Variants in PHKB observed in about 807,000 individuals in gnomAD.
PHKB encodes the protein phosphorylase b kinase regulatory subunit beta.
PHKB carries 122 observed loss-of-function variants against 152.1 expected under a neutral mutation model. The observed-to-expected ratio is 0.80, with a 90% CI of 0.69 to 0.93. The LOEUF is 0.93. Ranked by LOEUF, PHKB falls within the 40% of genes least tolerant of loss-of-function variation. The pLI is 0.00. For synonymous variants in PHKB, 436 were observed against 464.9 expected, an observed-to-expected ratio of 0.94 and a Z score of 0.80; for missense variants, 1,304 against 1,328.4, an observed-to-expected ratio of 0.98 and a Z score of 0.29.
At chr16:47,514,493 T>G (rs1168516128) in intron 5 of PHKB, among the ~76,000 whole-genome samples, 1 of 151,526 alleles carries the variant, frequency 6.6e-6, no homozygotes, top group East Asian at 1.9e-4. Flanking sequence ...AGAAGAAGAG[T>G]GTATGAGAGC....
chr16:47,469,299 G>A (rs543177950), intron 1 of PHKB, among the ~76,000 whole-genome samples: 1 of 152,244 alleles, frequency 6.6e-6, no homozygotes, highest in South Asian at 2.1e-4. Context: ...TCAAATACTA[G>A]TATTGAATCT....
At chr16:47,565,631 G>T in intron 7 of PHKB, 2 of 1,109,852 alleles carry the variant, frequency 1.8e-6, no homozygotes, top group Non-Finnish European at 1.4e-6. Flanking sequence ...CAGAGGTCCC[G>T]GTCTGTGATG....
intron 14 of PHKB, among the ~76,000 whole-genome samples, chr16:47,638,485 T>C (rs1972960194): frequency 1.3e-5 from 2 of 152,352 alleles, no homozygotes; most frequent in South Asian, 4.1e-4. Context: ...ATTATTATAT[T>C]CTCTGCAGAA....
intron 1 of PHKB, among the ~76,000 whole-genome samples, chr16:47,488,786 C>A (rs755333149): frequency 5.3e-5 from 8 of 152,016 alleles, no homozygotes; most frequent in Non-Finnish European, 1.0e-4. Context: ...GTTTCTGTAG[C>A]CTGTTCCATT....
At chr16:47,495,890 AT>A (rs1970223798) in intron 1 of PHKB, among the ~76,000 whole-genome samples, 1 of 152,160 alleles carries the variant, frequency 6.6e-6, no homozygotes, top group Admixed American at 6.5e-5. Context: ...TTGTAAGAAA[AT>A]CTTCTTTTCG....
rs2151701680 is a variant in PHKB, at chr16:47,596,499, G to A, written c.1331G>A (p.Gly444Glu). The change falls in exon 13 of 31, where the codon GGA (glycine) becomes GAA (glutamate). Residue 444 changes from glycine (G) to glutamate (E), a missense_variant. By Grantham distance (98) the Gly-to-Glu change is moderately conservative (BLOSUM62 -2). Coordinates refer to ENST00000323584, the MANE Select transcript of PHKB (RefSeq NM_000293.3). ...CGRDGKLFLW[G>E]QALYIIAKLL... Reference sequence around the variant, plus strand: ...CGTGATGGAAAACTGTTTCTTTGGGGACAAGCACTTTATATCATCGCAAAA... The same window carrying A: ...CGTGATGGAAAACTGTTTCTTTGGGAACAAGCACTTTATATCATCGCAAAA... 3 of 1,613,960 alleles carry A rather than the reference G, an allele frequency of 1.9e-6. No individual in the cohort carries two copies. The highest frequency in any genetic ancestry group is 1.1e-5 in the South Asian group (1 of 91,078).
intron 18 of PHKB, among the ~76,000 whole-genome samples, chr16:47,649,472 C>G (rs887169744): frequency 1.3e-5 from 2 of 151,964 alleles, no homozygotes; most frequent in Non-Finnish European, 2.9e-5. Context: ...ACAGGGGGAC[C>G]TATTTTGAAA....
Position 47,580,183 on chromosome 16 carries a change from A to C in PHKB, c.711-112A>C, listed in dbSNP as rs147990058. On this transcript the variant is annotated intron_variant, in intron 7 of 30. Coordinates refer to ENST00000323584, the MANE Select transcript of PHKB (RefSeq NM_000293.3). Reference sequence around the variant, plus strand: ...TCTTAGACATTATTCTTCTTACAGAAGTTGTTATAAATGTTAATAAAGAAA... The same window carrying C: ...TCTTAGACATTATTCTTCTTACAGACGTTGTTATAAATGTTAATAAAGAAA... 211 of 790,926 alleles carry C rather than the reference A, an allele frequency of 2.7e-4. 1 individual carries two copies. The African/African-American group carries it at 3.4e-3, about 13-fold the overall frequency. 49.0% of individuals were successfully genotyped at this position (790,926 alleles called of 1,614,324 possible).
At chr16:47,663,936 A>G in intron 24 of PHKB, 1 of 617,058 alleles carries the variant, frequency 1.6e-6, no homozygotes. Context: ...GAACAAAGAC[A>G]CTGTAGGGAT....
intron 26 of PHKB, among the ~76,000 whole-genome samples, chr16:47,682,847 TAG>T (rs1367851678): frequency 2.0e-5 from 3 of 152,226 alleles, no homozygotes; most frequent in African/African-American, 7.2e-5. Context: ...CTCTGCTTTT[TAG>T]AGTTTCCAGT....
At chr16:47,550,731 T>A (rs1971256880) in intron 7 of PHKB, among the ~76,000 whole-genome samples, 1 of 152,222 alleles carries the variant, frequency 6.6e-6, no homozygotes, top group African/African-American at 2.4e-5. Flanking sequence ...CCTGGCCTCA[T>A]AAAGTGAGTT....
chr16:47,461,595 T>G (rs1402454723), intron 1 of PHKB, among the ~76,000 whole-genome samples, 169 bp downstream of exon 1: 1 of 152,172 alleles, frequency 6.6e-6, no homozygotes, highest in East Asian at 1.9e-4. Flanking sequence ...TTCCTCCACC[T>G]CTAAAAATTA....
intron 1 of PHKB, among the ~76,000 whole-genome samples, chr16:47,481,675 A>C (rs1029114786): frequency 2.6e-5 from 4 of 152,202 alleles, no homozygotes; most frequent in African/African-American, 4.8e-5. Context: ...AAGAGAAGAC[A>C]ATTCGTATTT....
chr16:47,624,749 C>T (rs1196551942), intron 14 of PHKB, among the ~76,000 whole-genome samples: 1 of 152,200 alleles, frequency 6.6e-6, no homozygotes, highest in African/African-American at 2.4e-5. Context: ...TCCCTTCTTT[C>T]CTTCCCTTTC....
intron 8 of PHKB, among the ~76,000 whole-genome samples, chr16:47,583,926 A>G (rs1224392183): frequency 1.3e-5 from 2 of 152,210 alleles, no homozygotes; most frequent in African/African-American, 4.8e-5. Context: ...TGGCTTCAGC[A>G]TATGAGATAA....
At chr16:47,468,067 A>T (rs1390037921) in intron 1 of PHKB, among the ~76,000 whole-genome samples, 1 of 152,198 alleles carries the variant, frequency 6.6e-6, no homozygotes, top group Non-Finnish European at 1.5e-5. Context: ...CTCAAGCTAA[A>T]AAGGTTATTC....
In PHKB at chr16:47,641,678, C is replaced by T; in HGVS notation, c.1594C>T (p.Gln532Ter). The T allele has an allele frequency of 6.3e-7, 1 of 1,580,086 alleles. No homozygotes were observed. The highest frequency in any genetic ancestry group is 8.7e-7 in the Non-Finnish European group (1 of 1,148,998). Reference protein sequence around the residue: ...QVEPIQIWPQQELVKAYLQLG... With the variant: ...QVEPIQIWPQ The stretch of plus-strand genomic sequence containing the variant: ...AGAACCCATTCAGATATGGCCTCAG[C>T]AGGAGCTTGTGAAAGTAAGTGATTC... Residue 532 changes from glutamine (Q) to a stop codon, truncating the protein, a stop_gained, in exon 16 of 31, where the codon CAG becomes TAG. Coordinates refer to ENST00000323584, the MANE Select transcript of PHKB (RefSeq NM_000293.3). LOFTEE classifies it high-confidence loss of function.
chr16:47,535,342 T>A (rs554926156), intron 6 of PHKB, among the ~76,000 whole-genome samples: 1 of 152,310 alleles, frequency 6.6e-6, no homozygotes, highest in South Asian at 2.1e-4. Flanking sequence ...AAACTTAGCA[T>A]TTGTGCTTGG....
intron 1 of PHKB, among the ~76,000 whole-genome samples, chr16:47,491,777 G>GATTTAT (rs2151639034): frequency 6.6e-6 from 1 of 152,264 alleles, no homozygotes; most frequent in South Asian, 2.1e-4. Flanking sequence ...TTCTGAGAGG[G>GATTTAT]ATTTATCCAC....
Sources: gnomAD v4.1 joint callset for allele counts (sites outside exome capture counted in the v4.1 genomes callset) on GRCh38, gnomAD v4.1.1 for gene constraint, MANE v1.5 for transcripts, NCBI Gene and HGNC (gene_info 2026-07-23, HGNC 2026-07-21) for gene names.